Variants in KSR2 observed in about 807,000 individuals in gnomAD.
The protein encoded by KSR2 is kinase suppressor of ras 2.
Under a neutral mutation model 107.8 loss-of-function variants are expected in KSR2, and 25 were observed. The observed-to-expected ratio is 0.23, with a 90% CI of 0.17 to 0.32. The LOEUF is 0.32. KSR2 is among the 10% of genes least tolerant of loss of function. KSR2 has a pLI of 1.00. For missense variants in KSR2, 887 were observed against 1,268.9 expected, an observed-to-expected ratio of 0.70 and a Z score of 4.57; for synonymous variants, 480 against 507.0, an observed-to-expected ratio of 0.95 and a Z score of 0.71.
intron 3 of KSR2, among the ~76,000 whole-genome samples, chr12:117,838,898 G>C (rs1415093230): frequency 6.6e-6 from 1 of 152,202 alleles, no homozygotes; most frequent in African/African-American, 2.4e-5. Context: ...TTCAGGTTTT[G>C]TGGGCCATAC....
intron 4 of KSR2, among the ~76,000 whole-genome samples, chr12:117,730,307 C>A (rs371228502): frequency 6.6e-6 from 1 of 152,156 alleles, no homozygotes; most frequent in Non-Finnish European, 1.5e-5. Context: ...ATAAAACCTA[C>A]CTCGTGGGAT....
chr12:117,967,021 G>A (rs992416777), intron 1 of KSR2, among the ~76,000 whole-genome samples: 3 of 152,160 alleles, frequency 2.0e-5, no homozygotes, highest in Admixed American at 6.5e-5. Flanking sequence ...CAACCCATGC[G>A]TATAGCTGGG....
At chr12:117,839,437 C>G (rs1892373663) in intron 3 of KSR2, among the ~76,000 whole-genome samples, 1 of 152,188 alleles carries the variant, frequency 6.6e-6, no homozygotes, top group Non-Finnish European at 1.5e-5. Flanking sequence ...TATCTGAAAA[C>G]TGGGGAATAC....
At chr12:117,917,937 CA>C (rs941977395) in intron 1 of KSR2, among the ~76,000 whole-genome samples, 12 of 152,172 alleles carry the variant, frequency 7.9e-5, no homozygotes, top group African/African-American at 2.9e-4. Flanking sequence ...GAAAAAGAAG[CA>C]GAAGATCCAA....
chr12:117,827,595 G>A (rs1020455775), intron 3 of KSR2, among the ~76,000 whole-genome samples: 2 of 152,236 alleles, frequency 1.3e-5, no homozygotes, highest in Non-Finnish European at 2.9e-5. Flanking sequence ...ATTGATCAAT[G>A]TCAACTTGGT....
intron 1 of KSR2, among the ~76,000 whole-genome samples, chr12:117,870,158 C>A (rs921123913): frequency 1.3e-5 from 2 of 152,194 alleles, no homozygotes; most frequent in African/African-American, 2.4e-5. Flanking sequence ...AGAGAGAGGG[C>A]CTTATTCATC....
At chr12:117,921,750 A>G (rs538425019) in intron 1 of KSR2, among the ~76,000 whole-genome samples, 68 of 152,354 alleles carry the variant, frequency 4.5e-4, no homozygotes, top group Admixed American at 3.5e-3. Context: ...CGCTCATTAA[A>G]TGACAGCCAT....
At chr12:117,881,593 C>G (rs1894029345) in intron 1 of KSR2, among the ~76,000 whole-genome samples, 1 of 152,244 alleles carries the variant, frequency 6.6e-6, no homozygotes, top group Admixed American at 6.5e-5. Flanking sequence ...TGTATAATAT[C>G]TTGAATTCTT....
intron 4 of KSR2, among the ~76,000 whole-genome samples, chr12:117,713,803 G>A (rs1026796731): frequency 1.3e-5 from 2 of 151,462 alleles, no homozygotes; most frequent in African/African-American, 2.5e-5. Flanking sequence ...AGGTGGACCC[G>A]CTCCCTAAGG....
chr12:117,883,998 A>G (rs1302329544), intron 1 of KSR2, among the ~76,000 whole-genome samples: 1 of 152,146 alleles, frequency 6.6e-6, no homozygotes, highest in Non-Finnish European at 1.5e-5. Flanking sequence ...GGAGCTTCAG[A>G]AGTTTTTTAA....
At chr12:117,946,295 G>T (rs1221806288) in intron 1 of KSR2, among the ~76,000 whole-genome samples, 3 of 151,954 alleles carry the variant, frequency 2.0e-5, no homozygotes, top group African/African-American at 7.2e-5. Flanking sequence ...CTGAAACCTG[G>T]TCTTTTGAAA....
chr12:117,477,320 G>T (rs1187382896), intron 16 of KSR2, among the ~76,000 whole-genome samples: 1 of 152,244 alleles, frequency 6.6e-6, no homozygotes, highest in Non-Finnish European at 1.5e-5. Flanking sequence ...CTGTGAAAGT[G>T]CTGTGAGTGT....
intron 4 of KSR2, among the ~76,000 whole-genome samples, chr12:117,705,056 T>C (rs950487499): frequency 6.6e-6 from 1 of 152,136 alleles, no homozygotes. Flanking sequence ...TGCCGGGATA[T>C]GACTATGAGC....
At position 117,860,425 on chromosome 12, in the gene KSR2, G is replaced by A. The variant is rs759441008; in HGVS notation, c.187C>T (p.Leu63=). ...QKEIRTLESK[L]VKYFSRQLSC... is the part of the protein sequence containing the mutation. ...AGCTGCCGGCTGAAGTACTTCACCA[G>A]CTTGCTCTGTGGAGACACAGACGAG... is the stretch of plus-strand genomic sequence containing the variant. The change falls in exon 2 of 20, where the codon CTG becomes TTG. Residue 63 remains leucine, a synonymous_variant. Coordinates refer to ENST00000339824, the MANE Select transcript of KSR2 (RefSeq NM_173598.6). 1 of 1,608,122 alleles carries A rather than the reference G, an allele frequency of 6.2e-7. No homozygotes were observed.
intron 3 of KSR2, among the ~76,000 whole-genome samples, chr12:117,807,043 C>T (rs1229583543): frequency 1.3e-5 from 2 of 152,166 alleles, no homozygotes; most frequent in African/African-American, 2.4e-5. Flanking sequence ...CCCCGCTCAG[C>T]GTCAGCTGGA....
intron 3 of KSR2, among the ~76,000 whole-genome samples, chr12:117,836,283 GC>G (rs1471610486): frequency 1.3e-5 from 2 of 152,082 alleles, no homozygotes; most frequent in African/African-American, 4.8e-5. Flanking sequence ...CAGCTCTGGG[GC>G]CCCGAGACCA....
intron 4 of KSR2, among the ~76,000 whole-genome samples, chr12:117,676,595 TTAAG>T (rs1480172993): frequency 6.6e-6 from 1 of 152,068 alleles, no homozygotes; most frequent in African/African-American, 2.4e-5. Context: ...TAAAAAAATG[TTAAG>T]TAAACTATAG....
At chr12:117,484,307 A>C (rs1046021932) in intron 16 of KSR2, 109 bp downstream of exon 16, 3 of 1,275,396 alleles carry the variant, frequency 2.4e-6, no homozygotes, top group Non-Finnish European at 3.3e-6. Context: ...CAGCTCAGCA[A>C]CCTCAGGACC....
intron 4 of KSR2, among the ~76,000 whole-genome samples, chr12:117,735,381 C>T (rs693887): frequency 0.74 from 112,644 of 151,950 alleles, 43,338 homozygotes; most frequent in South Asian, 0.91. Context: ...AGTGGCCAAG[C>T]GGAGAGAGAA....
Sources: gnomAD v4.1 joint callset for allele counts (sites outside exome capture counted in the v4.1 genomes callset) on GRCh38, gnomAD v4.1.1 for gene constraint, MANE v1.5 for transcripts, NCBI Gene and HGNC (gene_info 2026-07-23, HGNC 2026-07-21) for gene names.